ACYP2: variants seen among roughly 807,000 people sequenced by gnomAD.
The protein encoded by ACYP2 is acylphosphatase-2.
Under a neutral mutation model 11.2 loss-of-function variants are expected in ACYP2, and 12 were observed. The ratio of observed to expected loss-of-function variants is 1.08; its 90% CI spans 0.69 to 1.74. The LOEUF is 1.74. ACYP2 is among the 40% of genes most tolerant of loss of function. ACYP2 has a pLI of 0.00. For missense variants in ACYP2, 134 were observed against 101.9 expected (o/e 1.31, Z -1.35); for synonymous variants, 43 against 32.2 (o/e 1.33, Z -1.13).
intron 2 of ACYP2, among the ~76,000 whole-genome samples, chr2:53,985,509 C>G (rs1671990247): frequency 6.6e-6 from 1 of 152,100 alleles, no homozygotes; most frequent in African/African-American, 2.4e-5. Flanking sequence ...TATATGTTCT[C>G]CAAAAGATAT....
chr2:54,168,145 C>T (rs757348135), intron 6 of ACYP2, among the ~76,000 whole-genome samples: 1 of 152,128 alleles, frequency 6.6e-6, no homozygotes, highest in Non-Finnish European at 1.5e-5. Context: ...TGTGTCCAGG[C>T]CAGGCACAGT....
At chr2:54,176,585 G>A (rs1373215117) in intron 6 of ACYP2, among the ~76,000 whole-genome samples, 3 of 152,166 alleles carry the variant, frequency 2.0e-5, no homozygotes, top group Admixed American at 6.5e-5. Context: ...GTTAAGGCAG[G>A]AAAAATCTTA....
chr2:54,125,761 A>C (rs879510756), intron 4 of ACYP2, among the ~76,000 whole-genome samples: 1 of 150,554 alleles, frequency 6.6e-6, no homozygotes, highest in Non-Finnish European at 1.5e-5. Context: ...AAAAAACAAA[A>C]ACAAAACTAG....
At chr2:54,144,091 A>G (rs1322202581) in intron 6 of ACYP2, among the ~76,000 whole-genome samples, 2 of 152,000 alleles carry the variant, frequency 1.3e-5, no homozygotes, top group African/African-American at 2.4e-5. Flanking sequence ...CATCTCAGCC[A>G]CCCAAGTAGC....
intron 2 of ACYP2, among the ~76,000 whole-genome samples, chr2:53,984,695 G>T (rs1019622960): frequency 2.0e-5 from 3 of 151,242 alleles, no homozygotes; most frequent in Admixed American, 6.6e-5. Flanking sequence ...ACCAAGCAAG[G>T]TTTATTGCAG....
intron 2 of ACYP2, among the ~76,000 whole-genome samples, chr2:54,036,237 G>C (rs1259838926): frequency 6.6e-6 from 1 of 152,198 alleles, no homozygotes; most frequent in Non-Finnish European, 1.5e-5. Context: ...TGGGATTACA[G>C]CAGTATGCCA....
intron 6 of ACYP2, among the ~76,000 whole-genome samples, chr2:54,266,040 G>A (rs529966902): frequency 6.6e-6 from 1 of 152,278 alleles, no homozygotes; most frequent in African/African-American, 2.4e-5. Flanking sequence ...TAGAGTGTGA[G>A]CAGCATGTTC....
At chr2:53,994,588 C>T (rs921498829) in intron 2 of ACYP2, among the ~76,000 whole-genome samples, 14 of 150,626 alleles carry the variant, frequency 9.3e-5, no homozygotes, top group African/African-American at 3.2e-4. Flanking sequence ...GGCAATAATT[C>T]GAAATTATAT....
intron 6 of ACYP2, among the ~76,000 whole-genome samples, chr2:54,150,039 C>T (rs1682076727): frequency 1.3e-5 from 2 of 152,142 alleles, no homozygotes; most frequent in South Asian, 4.1e-4. Context: ...ACAAGTTTTC[C>T]TGTAAAGTCA....
At chr2:54,300,501 A>G (rs550263069) in intron 6 of ACYP2, among the ~76,000 whole-genome samples, 2 of 152,272 alleles carry the variant, frequency 1.3e-5, no homozygotes, top group South Asian at 4.1e-4. Context: ...CAGCCCTCTC[A>G]CCTTGAGACA....
intron 6 of ACYP2, among the ~76,000 whole-genome samples, chr2:54,177,331 T>C (rs1199117382): frequency 6.6e-6 from 1 of 152,134 alleles, no homozygotes; most frequent in East Asian, 1.9e-4. Flanking sequence ...TTCTACTAAA[T>C]CCACAGCTCA....
chr2:54,213,019 G>A (rs567904260), intron 6 of ACYP2, among the ~76,000 whole-genome samples: 1 of 151,198 alleles, frequency 6.6e-6, no homozygotes, highest in African/African-American at 2.4e-5. Flanking sequence ...ACAGTTGTTT[G>A]GTGTACACAT....
chr2:54,206,662 C>A lies in ACYP2; in HGVS notation c.404+67914C>A, dbSNP rs113715750. ...TTTCACTTTAGCTCAATCTAATCCT[C>A]TTTGTGATTTTTTTCCATAATTGTA... On this transcript the variant is annotated intron_variant, in intron 6 of 6. Transcript: ENST00000607452. Among the ~76,000 whole-genome samples the A allele has an allele frequency of 4.0e-3, 615 of 152,328 alleles. 6 individuals carry two copies. Among genetic ancestry groups the A allele is most frequent in the African/African-American group, 0.014 (586 of 41,578 alleles).
rs183568657 is a variant in ACYP2 at position 54,154,768 on chromosome 2, C to T, written c.404+16020C>T. 5.3e-5 allele frequency among the ~76,000 whole-genome samples: 8 copies of T among 152,256 alleles called. No individual in the cohort carries two copies. In the East Asian group the frequency reaches 1.5e-3, roughly 29 times the overall value. On this transcript the variant is annotated intron_variant, in intron 6 of 6. Coordinates refer to ENST00000607452, the MANE Select transcript of ACYP2 (RefSeq NM_001320586.2). ...TAATGTTCTTGTCTGGCTTTGGTAT[C>T]AAGGTAATGCTAACCTCATAAAAAG...
intron 4 of ACYP2, among the ~76,000 whole-genome samples, chr2:54,088,015 C>G (rs1259550935): frequency 1.3e-5 from 2 of 152,170 alleles, no homozygotes; most frequent in African/African-American, 4.8e-5. Context: ...CAGATCCTAC[C>G]TCACCAAGTA....
chr2:54,224,662 G>T (rs1685933824), intron 6 of ACYP2, among the ~76,000 whole-genome samples: 1 of 152,186 alleles, frequency 6.6e-6, no homozygotes, highest in Non-Finnish European at 1.5e-5. Context: ...TTGTAGCTTG[G>T]CTTTCAGGCT....
At chr2:54,238,286 C>G (rs1293661887) in intron 6 of ACYP2, among the ~76,000 whole-genome samples, 1 of 152,114 alleles carries the variant, frequency 6.6e-6, no homozygotes, top group African/African-American at 2.4e-5. Flanking sequence ...AATAGAAATT[C>G]TGAAGTTCTG....
At chr2:54,009,072 G>A (rs1673221679) in intron 2 of ACYP2, among the ~76,000 whole-genome samples, 1 of 151,810 alleles carries the variant, frequency 6.6e-6, no homozygotes, top group Non-Finnish European at 1.5e-5. Context: ...AGAATTGCTT[G>A]AATCTGGGAG....
intron 4 of ACYP2, among the ~76,000 whole-genome samples, chr2:54,105,510 G>C (rs1227541892): frequency 6.6e-6 from 1 of 151,718 alleles, no homozygotes; most frequent in Admixed American, 6.6e-5. Context: ...GCAGGGTCTC[G>C]TTTTATTGCC....
Sources: allele counts gnomAD v4.1 joint callset (sites outside exome capture counted in the v4.1 genomes callset), GRCh38; gene constraint gnomAD v4.1.1; transcripts MANE v1.5; gene names NCBI Gene and HGNC (gene_info 2026-07-23, HGNC 2026-07-21).